RPUSD1: variants seen among roughly 807,000 people sequenced by gnomAD.
The protein encoded by RPUSD1 is pseudouridylate synthase RPUSD1.
RPUSD1 carries 28 observed loss-of-function variants against 22.4 expected under a neutral mutation model. The observed-to-expected ratio is 1.25, with a 90% CI of 0.93 to 1.72. The LOEUF (loss-of-function observed/expected upper bound fraction) is 1.72. Ranked by LOEUF, RPUSD1 falls within the 40% of genes most tolerant of loss-of-function variation. The pLI is 0.00. For synonymous variants in RPUSD1, 298 were observed against 201.0 expected (o/e 1.48, Z -4.08); for missense variants, 596 against 442.2 (o/e 1.35, Z -3.12).
At chr16:787,036 C>T in intron 4 of RPUSD1, 41 bp downstream of exon 4, 1 of 1,595,072 alleles carries the variant, frequency 6.3e-7, no homozygotes, top group Non-Finnish European at 8.5e-7. Context: ...AGGCCCACCC[C>T]AACCCACGAT....
rs2041884130 is a variant in RPUSD1 at position 785,849 on chromosome 16, T to C, written c.*101A>G. The C allele has an allele frequency of 2.7e-6, 3 of 1,111,554 alleles. No individual in the cohort carries two copies. Among genetic ancestry groups the C allele is most frequent in the Non-Finnish European group, 2.4e-6 (2 of 835,964 alleles). The allele number at this position is 1,111,554 out of a possible 1,614,324, so 68.9% of individuals were successfully genotyped here. ...GCAACCCAGTGGGCCTGATGCTGCC[T>C]GGCACCTCGAGGCCCCAGAGCCAGT... On this transcript the variant is annotated 3_prime_UTR_variant, in exon 6 of 6. Transcript: ENST00000007264.
intron 1 of RPUSD1, 76 bp downstream of exon 1, chr16:788,180 G>A: frequency 2.4e-6 from 1 of 418,852 alleles, no homozygotes. Context: ...GCAGACCCGC[G>A]CCCCGCACAG....
Position 785,742 on chromosome 16 carries a change from G to A in RPUSD1, c.*208C>T, listed in dbSNP as rs746890900. The A allele has an allele frequency of 1.1e-4, 46 of 425,560 alleles. No homozygotes were observed. In the East Asian group the frequency reaches 1.2e-3, roughly 11 times the overall value. 26.4% of individuals were successfully genotyped at this position (425,560 alleles called of 1,614,324 possible). A position where few individuals can be genotyped will look rare whatever the true frequency, so the allele number is the denominator to read the frequency against. ...GATCCCGCATCAGTCCCACGGCCGC[G>A]GTGCGGTCGTCACCTGTGATCACGG... is the stretch of plus-strand genomic sequence containing the variant. On this transcript the variant is annotated 3_prime_UTR_variant, in exon 6 of 6. Transcript: ENST00000007264.
At position 787,587 on chromosome 16, in the gene RPUSD1, G is replaced by A. The variant is rs199768084; in HGVS notation, c.151C>T (p.Leu51=). The change falls in exon 2 of 6, where the codon CTG becomes TTG. Residue 51 remains leucine, a synonymous_variant. Coordinates refer to ENST00000007264, the MANE Select transcript of RPUSD1 (RefSeq NM_058192.3). The part of the protein sequence containing the change: ...QKQLRYRFPE[L]ADPDTCYGFR... ...CCGTAGCAGGTGTCAGGGTCGGCCA[G>A]CTCGGGAAAGCGGTACCGCAGCTGC... 1.6e-5 allele frequency: 25 copies of A among 1,611,150 alleles called. No homozygotes were observed. Among genetic ancestry groups the A allele is most frequent in the Admixed American group, 1.2e-4 (7 of 60,000 alleles).
At chr16:787,238 C>T in intron 3 of RPUSD1, 59 bp from the exon 4 acceptor site, 6 of 1,552,728 alleles carry the variant, frequency 3.9e-6, no homozygotes, top group East Asian at 2.4e-5. Flanking sequence ...GCCGGGGAGC[C>T]CACCTAACAC....
Position 787,101 on chromosome 16 carries a change from T to C in RPUSD1, c.385A>G (p.Thr129Ala). The C allele has an allele frequency of 6.2e-7, 1 of 1,607,484 alleles. No homozygotes were observed. Among genetic ancestry groups the C allele is most frequent in the East Asian group, 2.2e-5 (1 of 44,646 alleles). ...CCCTGCGAGCCCTCGATGCACATGG[T>C]GTGGGCCCGGCCCTCCGTGCTGTTC... ...GRNSTEGRAH[T>A]MCIEGSQGCE... Residue 129 changes from threonine to alanine, a missense_variant, in exon 4 of 6, where the codon ACC becomes GCC. Coordinates refer to ENST00000007264, the MANE Select transcript of RPUSD1 (RefSeq NM_058192.3).
chr16:786,937 C>G lies in RPUSD1; in HGVS notation c.410-9G>C. 1.2e-6 allele frequency: 2 copies of G among 1,611,768 alleles called. No individual in the cohort carries two copies. Among genetic ancestry groups the G allele is most frequent in the East Asian group, 4.5e-5 (2 of 44,862 alleles). ...CTTTGGGTTCTCACAACCTGGGGCG[C>G]AGAAGGCAGGTGTGAGGTTAGTGGG... On this transcript the variant is annotated splice_polypyrimidine_tract_variant and intron_variant, in intron 4 of 5. Transcript: ENST00000007264.
rs199929908 is a variant in RPUSD1 at position 787,655 on chromosome 16, C to T, written c.83G>A (p.Arg28His). 42 of 1,612,364 alleles carry T rather than the reference C, an allele frequency of 2.6e-5. No homozygotes were observed. The East Asian group carries it at 6.7e-4, about 26-fold the overall frequency. ...CTCCCGCCACGCCTTGCTGTCAATG[C>T]GAACGTCCCAGTGCTTGTTGACCAC... is the stretch of plus-strand genomic sequence containing the variant. Reference protein sequence around the residue: ...FLVVNKHWDVRIDSKAWRETL... With the variant: ...FLVVNKHWDVHIDSKAWRETL... The change falls in exon 2 of 6, where the codon CGC becomes CAC. Residue 28 changes from arginine to histidine, a missense_variant. Physicochemically the swap from Arg to His is conservative, Grantham distance 29. Transcript: ENST00000007264.
At position 787,414 on chromosome 16, in the gene RPUSD1, G is replaced by A. The variant is rs949256188; in HGVS notation, c.246C>T (p.Ala82=). The change falls in exon 3 of 6, where the codon GCC becomes GCT. Residue 82 remains alanine (A), a synonymous_variant. Transcript: ENST00000007264. The stretch of plus-strand genomic sequence containing the variant: ...TGAAGCACCTGTACGCGCTGCCGGC[G>A]GCTGCCTTGTTTAGGGCCACGCACA... The part of the protein sequence containing the change: ...GALCVALNKA[A]AGSAYRCFKE... 1.5e-5 allele frequency: 24 copies of A among 1,584,652 alleles called. No individual in the cohort carries two copies. Among genetic ancestry groups the A allele is most frequent in the Admixed American group, 1.4e-4 (8 of 56,964 alleles).
rs377280520 is a variant in RPUSD1, at chr16:786,913, T to C, written c.425A>G (p.Lys142Arg). 3.5e-5 allele frequency: 56 copies of C among 1,613,010 alleles called. No homozygotes were observed. The African/African-American group carries it at 6.1e-4, about 18-fold the overall frequency. ...AACCACGAGATCTGTGAGGCTTGGC[T>C]TTGGGTTCTCACAACCTGGGGCGCA... ...IEGSQGCENP[K>R]PSLTDLVVLE... The change falls in exon 5 of 6, where the codon AAG becomes AGG. Residue 142 changes from lysine (K) to arginine (R), a missense_variant. Lys to Arg is a conservative substitution (Grantham distance 26, BLOSUM62 2). Coordinates refer to ENST00000007264, the MANE Select transcript of RPUSD1 (RefSeq NM_058192.3).
At chr16:788,014 A>G (rs577332947) in intron 1 of RPUSD1, 1 of 557,724 alleles carries the variant, frequency 1.8e-6, no homozygotes, top group Non-Finnish European at 3.2e-6. Context: ...CCTGCCCCAC[A>G]GATCCTCCCC....
At position 785,944 on chromosome 16, in the gene RPUSD1, C is replaced by T. The variant is rs1051354497; in HGVS notation, c.*6G>A. The T allele has an allele frequency of 3.9e-5, 56 of 1,431,212 alleles. No homozygotes were observed. Among genetic ancestry groups the T allele is most frequent in the Non-Finnish European group, 4.5e-5 (49 of 1,095,418 alleles). 88.7% of individuals were successfully genotyped at this position (1,431,212 alleles called of 1,614,324 possible). A position where few individuals can be genotyped will look rare whatever the true frequency, so the allele number is the denominator to read the frequency against. On this transcript the variant is annotated 3_prime_UTR_variant, in exon 6 of 6. Coordinates refer to ENST00000007264, the MANE Select transcript of RPUSD1 (RefSeq NM_058192.3). ...GCTGACACCCCCTGCCCCAGCCCCA[C>T]GGCTCTCAGCTGTCCGGTTCCAGCG...
chr16:786,049 G>T lies in RPUSD1; in HGVS notation c.840C>A (p.Gly280=). The T allele has an allele frequency of 6.6e-7, 1 of 1,523,164 alleles. No homozygotes were observed. The allele number at this position is 1,523,164 out of a possible 1,614,324, so 94.4% of individuals were successfully genotyped here. ...GCTTGGTTGGGGGTGGAGGAGGCCG[G>T]CCGGGCCCAGGCAGGAGTGCGGAGG... ...GSPSALLPGP[G]RPPPPPTKPP... is the part of the protein sequence containing the mutation. Residue 280 remains glycine, a synonymous_variant, in exon 6 of 6, where the codon GGC becomes GGA. Coordinates refer to ENST00000007264, the MANE Select transcript of RPUSD1 (RefSeq NM_058192.3).
Position 786,640 on chromosome 16 carries a change from G to C in RPUSD1, c.511+187C>G, listed in dbSNP as rs897509330. On this transcript the variant is annotated intron_variant, in intron 5 of 5. Coordinates refer to ENST00000007264, the MANE Select transcript of RPUSD1 (RefSeq NM_058192.3). ...GGCCAGCCAGACCCCCAAGGAATCA[G>C]TCAGGAGCCAGCAGGGACCCTGTGT... The C allele has an allele frequency of 4.1e-6, 3 of 738,000 alleles. No individual in the cohort carries two copies. The East Asian group carries it at 8.0e-5, about 20-fold the overall frequency. 45.7% of individuals were successfully genotyped at this position (738,000 alleles called of 1,614,324 possible).
At position 785,900 on chromosome 16, in the gene RPUSD1, C is replaced by G; in HGVS notation, c.*50G>C. The G allele has an allele frequency of 7.2e-7, 1 of 1,393,820 alleles. No homozygotes were observed. Among genetic ancestry groups the G allele is most frequent in the African/African-American group, 1.5e-5 (1 of 68,924 alleles). 86.3% of individuals were successfully genotyped at this position (1,393,820 alleles called of 1,614,324 possible). A position where few individuals can be genotyped will look rare whatever the true frequency, so the allele number is the denominator to read the frequency against. On this transcript the variant is annotated 3_prime_UTR_variant, in exon 6 of 6. Coordinates refer to ENST00000007264, the MANE Select transcript of RPUSD1 (RefSeq NM_058192.3). ...GAGCAGACGCTCGCTCGCCCATCTCCCTAGAGTCCCGCTGTGCAGCTGACA... is the reference window on the plus strand; with the variant it reads ...GAGCAGACGCTCGCTCGCCCATCTCGCTAGAGTCCCGCTGTGCAGCTGACA...
intron 5 of RPUSD1, 62 bp downstream of exon 5, chr16:786,765 C>A: frequency 2.2e-6 from 3 of 1,371,158 alleles, no homozygotes; most frequent in Non-Finnish European, 2.1e-6. Flanking sequence ...ACATAAGCTT[C>A]GTGGCCCTGT....
In RPUSD1 at chr16:788,262, C is replaced by A; in HGVS notation, c.-14G>T. On this transcript the variant is annotated 5_prime_UTR_variant, in exon 1 of 6. Coordinates refer to ENST00000007264, the MANE Select transcript of RPUSD1 (RefSeq NM_058192.3). ...CGCCCACGCCAAGACCAACCTGCTG[C>A]CGGGCCGTGCAGTCCAGGCCCCCGA... 2.7e-6 allele frequency: 1 copy of A among 370,236 alleles called. No individual in the cohort carries two copies. Among genetic ancestry groups the A allele is most frequent in the South Asian group, 1.9e-5 (1 of 52,820 alleles). The allele number at this position is 370,236 out of a possible 1,614,324, so 22.9% of individuals were successfully genotyped here.
At position 787,602 on chromosome 16, in the gene RPUSD1, A is replaced by T; in HGVS notation, c.136T>A (p.Tyr46Asn). The T allele has an allele frequency of 6.2e-7, 1 of 1,611,416 alleles. No individual in the cohort carries two copies. The highest frequency in any genetic ancestry group is 8.5e-7 in the Non-Finnish European group (1 of 1,179,916). The change falls in exon 2 of 6, where the codon TAC (tyrosine) becomes AAC (asparagine). Residue 46 changes from tyrosine (Y) to asparagine (N), a missense_variant. Tyr to Asn is a moderately radical substitution (Grantham distance 143). Coordinates refer to ENST00000007264, the MANE Select transcript of RPUSD1 (RefSeq NM_058192.3). The part of the protein sequence containing the change: ...ETLTLQKQLR[Y>N]RFPELADPDT... ...GGGTCGGCCAGCTCGGGAAAGCGGT[A>T]CCGCAGCTGCTTCTGCAGGGTCAGA...
intron 5 of RPUSD1, 180 bp from the exon 6 acceptor site, chr16:786,557 G>T: frequency 1.3e-6 from 1 of 768,624 alleles, no homozygotes; most frequent in Non-Finnish European, 2.2e-6. Flanking sequence ...AGAAGATTGT[G>T]TTCAGGTCAC....
Sources: gnomAD v4.1 joint callset for allele counts on GRCh38, gnomAD v4.1.1 for gene constraint, MANE v1.5 for transcripts, NCBI Gene and HGNC (gene_info 2026-07-23, HGNC 2026-07-21) for gene names.